Variants in COL4A5 observed in about 807,000 individuals in gnomAD.
COL4A5 encodes collagen alpha-5(IV) chain.
Under a neutral mutation model 130.2 loss-of-function variants are expected in COL4A5, and 26 were observed. The ratio of observed to expected loss-of-function variants is 0.20; its 90% confidence interval spans 0.15 to 0.28. COL4A5 has a LOEUF of 0.28. Among genes scored for constraint, COL4A5 ranks in the 10% least tolerant of loss-of-function variants. The probability of loss-of-function intolerance (pLI) is 1.00; values close to 1 mark genes in which losing one functional copy is unlikely to be tolerated. For synonymous variants in COL4A5, 496 were observed against 439.6 expected, an observed-to-expected ratio of 1.13 and a Z score of -1.60; for missense variants, 1,131 against 1,344.3, an observed-to-expected ratio of 0.84 and a Z score of 2.48.
At position 108,674,583 on chromosome X, in the gene COL4A5, CT is replaced by C. The variant is rs199811531; in HGVS notation, c.3800-161del. The C allele has an allele frequency of 9.5e-4, 493 of 521,130 alleles. 9 individuals carry two copies. The East Asian group carries it at 0.017, about 18-fold the overall frequency. 42.9% of individuals were successfully genotyped at this position (521,130 alleles called of 1,213,427 possible). ...ACTTCTGTATGGTTCTGTTTGCATA[CT>C]GATTATGCTGTAAGTATAAGAAATG... On this transcript the variant is annotated intron_variant, in intron 42 of 52. Transcript: ENST00000328300.
rs746347727 is a variant in COL4A5, at chrX:108,561,812, G to A, written c.232-2070G>A. On this transcript the variant is annotated intron_variant, in intron 3 of 52. Coordinates refer to ENST00000328300, the MANE Select transcript of COL4A5 (RefSeq NM_033380.3). ...TATAATCAGAGCTTAGATTTGGGGA[G>A]AATGTTGGTCATGATCTCTGGGAAA... is the stretch of plus-strand genomic sequence containing the variant. Among the ~76,000 whole-genome samples the A allele has an allele frequency of 5.4e-5, 6 of 111,677 alleles. No homozygotes were observed. In the South Asian group the frequency reaches 2.2e-3, roughly 42 times the overall value.
At chrX:108,520,681 T>C (rs2065256599) in intron 1 of COL4A5, among the ~76,000 whole-genome samples, 1 of 111,822 alleles carries the variant, frequency 8.9e-6, no homozygotes, top group Non-Finnish European at 1.9e-5. Context: ...TTGGTTATTA[T>C]TTGTGTATGA....
At chrX:108,623,034 C>T (rs1332335911) in intron 33 of COL4A5, among the ~76,000 whole-genome samples, 2 of 112,136 alleles carry the variant, frequency 1.8e-5, no homozygotes, top group Non-Finnish European at 3.8e-5. Context: ...GTTTACCTAT[C>T]ACGAGCTTTA....
chrX:108,462,847 C>A (rs1411714330), intron 1 of COL4A5: 3 of 112,684 alleles, frequency 2.7e-5, no homozygotes, highest in Non-Finnish European at 5.6e-5. Context: ...AGTAATAATT[C>A]TGTCATTGAA....
intron 25 of COL4A5, among the ~76,000 whole-genome samples, chrX:108,599,868 A>G (rs753935240): frequency 1.8e-5 from 2 of 112,334 alleles, no homozygotes; most frequent in East Asian, 5.6e-4. Context: ...TACCTGGGCT[A>G]GGGTATGTAT....
chrX:108,492,014 T>A (rs971567812), intron 1 of COL4A5, among the ~76,000 whole-genome samples: 1 of 111,638 alleles, frequency 9.0e-6, no homozygotes, highest in Non-Finnish European at 1.9e-5. Context: ...GGAAATGAGA[T>A]GCTTTGGAGA....
chrX:108,650,125 A>G (rs1339916273), intron 36 of COL4A5, among the ~76,000 whole-genome samples: 3 of 111,840 alleles, frequency 2.7e-5, no homozygotes, highest in Non-Finnish European at 3.8e-5. Context: ...TGAATAGACA[A>G]TTCTCAAAAG....
At chrX:108,548,227 G>T (rs1483832171) in intron 2 of COL4A5, among the ~76,000 whole-genome samples, 2 of 112,039 alleles carry the variant, frequency 1.8e-5, no homozygotes, top group East Asian at 5.6e-4. Flanking sequence ...GACTGGGGCT[G>T]TTCCTATTCA....
chrX:108,691,591 C>A (rs904389668), intron 49 of COL4A5, among the ~76,000 whole-genome samples: 4 of 110,450 alleles, frequency 3.6e-5, no homozygotes, highest in African/African-American at 9.8e-5. Flanking sequence ...CTTATAGTCA[C>A]AAAGTTTTAA....
At chrX:108,614,287 G>A (rs2066887061) in intron 29 of COL4A5, among the ~76,000 whole-genome samples, 1 of 111,861 alleles carries the variant, frequency 8.9e-6, no homozygotes, top group Non-Finnish European at 1.9e-5. Context: ...TGACTACAGC[G>A]CACAGGGGCT....
intron 1 of COL4A5, among the ~76,000 whole-genome samples, chrX:108,447,850 A>G (rs972287589): frequency 2.7e-5 from 3 of 112,171 alleles, no homozygotes; most frequent in Admixed American, 1.9e-4. Context: ...TCTAATTAAC[A>G]TTATAAATGA....
chrX:108,519,012 T>C (rs2065244446), intron 1 of COL4A5, among the ~76,000 whole-genome samples: 1 of 111,926 alleles, frequency 8.9e-6, no homozygotes. Flanking sequence ...TGTCATTGGC[T>C]CTCTATTTCT....
chrX:108,676,674 A>G (rs1389750176), intron 43 of COL4A5, among the ~76,000 whole-genome samples: 5 of 112,466 alleles, frequency 4.4e-5, no homozygotes, highest in African/African-American at 1.6e-4. Flanking sequence ...ACATTTAAAA[A>G]AATTCCTATG....
chrX:108,690,556 C>T (rs1030164425), intron 49 of COL4A5, among the ~76,000 whole-genome samples: 5 of 111,457 alleles, frequency 4.5e-5, no homozygotes, highest in African/African-American at 1.6e-4. Flanking sequence ...TTTTAAAAAT[C>T]AAATTTCAAC....
chrX:108,633,180 G>A (rs1055643780), intron 36 of COL4A5, among the ~76,000 whole-genome samples: 2 of 111,109 alleles, frequency 1.8e-5, no homozygotes, highest in African/African-American at 6.5e-5. Flanking sequence ...GCTGAAATAG[G>A]AAATTCATCA....
rs748502855 is a variant in COL4A5, at chrX:108,497,166, A to G, written c.82-42580A>G. On this transcript the variant is annotated intron_variant, in intron 1 of 52. Transcript: ENST00000328300. ...TTCTTTCACTTAGCAGAATGTTTAC[A>G]AGGTTCAGCCATGTTGTAACATGAA... 8.9e-5 allele frequency among the ~76,000 whole-genome samples: 10 copies of G among 112,095 alleles called. No homozygotes were observed. The South Asian group carries it at 3.7e-3, about 41-fold the overall frequency.
In COL4A5 at chrX:108,680,952, T is replaced by C. The variant is rs1463848062; in HGVS notation, c.4083T>C (p.Pro1361=). The part of the protein sequence containing the change: ...GPEGEPGLIG[P]PGPPGLPGPS... ...AGGGGGAACCGGGACTTATTGGTCC[T>C]CCAGGTAAGACTTATTCCTGAAGAT... The change falls in exon 46 of 53, where the codon CCT becomes CCC. Residue 1361 remains proline, a synonymous_variant. Transcript: ENST00000328300. The C allele has an allele frequency of 3.3e-6, 4 of 1,203,309 alleles. No homozygotes were observed. Among genetic ancestry groups the C allele is most frequent in the Non-Finnish European group, 4.5e-6 (4 of 887,935 alleles).
intron 1 of COL4A5, among the ~76,000 whole-genome samples, chrX:108,481,460 T>C (rs1314513079): frequency 8.9e-6 from 1 of 111,823 alleles, no homozygotes; most frequent in African/African-American, 3.3e-5. Flanking sequence ...TTCTCTGTTT[T>C]TATAATTCAA....
At chrX:108,500,087 G>T (rs889489693) in intron 1 of COL4A5, among the ~76,000 whole-genome samples, 1 of 111,918 alleles carries the variant, frequency 8.9e-6, no homozygotes, top group Non-Finnish European at 1.9e-5. Context: ...TTCAGACCAA[G>T]AGTGTTACTC....
Sources: gnomAD v4.1 joint callset for allele counts (sites outside exome capture counted in the v4.1 genomes callset) on GRCh38, gnomAD v4.1.1 for gene constraint, MANE v1.5 for transcripts, NCBI Gene and HGNC (gene_info 2026-07-23, HGNC 2026-07-21) for gene names.